HS6ST2: variants seen among roughly 807,000 people sequenced by gnomAD.
HS6ST2 encodes the protein heparan sulfate 6-O-sulfotransferase 2, also known as heparan-sulfate 6-O-sulfotransferase 2.
A neutral mutation model predicts 33.0 loss-of-function variants in HS6ST2; 17 were observed. That is an observed-to-expected ratio of 0.52 (90% CI 0.35 to 0.77). The LOEUF is 0.77. Among genes scored for constraint, HS6ST2 ranks in the 30% least tolerant of loss-of-function variants. The pLI, the probability that HS6ST2 is intolerant of heterozygous loss-of-function variation, is 0.01. For missense variants in HS6ST2, 519 were observed against 551.7 expected (o/e 0.94, Z 0.59); for synonymous variants, 248 against 237.1 (o/e 1.05, Z -0.42).
intron 2 of HS6ST2, among the ~76,000 whole-genome samples, chrX:132,820,494 G>A (rs1035661872): frequency 2.7e-5 from 3 of 111,423 alleles, no homozygotes; most frequent in African/African-American, 9.8e-5. Context: ...ATGGAAAAGA[G>A]ATTTTGCTTG....
At chrX:132,899,538 G>A (rs960403209) in intron 2 of HS6ST2, among the ~76,000 whole-genome samples, 5 of 110,259 alleles carry the variant, frequency 4.5e-5, no homozygotes, top group East Asian at 2.9e-4. Flanking sequence ...TAGACACTGC[G>A]GAAGAAAAGA....
chrX:132,808,947 G>A (rs142853691), intron 2 of HS6ST2, among the ~76,000 whole-genome samples: 1,579 of 111,996 alleles, frequency 0.014, 20 homozygotes, highest in African/African-American at 0.048. Context: ...TGCATCAAAC[G>A]CAAGAAGTAG....
chrX:132,919,444 G>C (rs1360196353), intron 2 of HS6ST2, among the ~76,000 whole-genome samples: 2 of 111,632 alleles, frequency 1.8e-5, no homozygotes, highest in African/African-American at 6.5e-5. Flanking sequence ...AAGACTCTCT[G>C]GAGTTTTTCC....
At chrX:132,672,200 C>T (rs2063887690) in intron 3 of HS6ST2, among the ~76,000 whole-genome samples, 2 of 110,056 alleles carry the variant, frequency 1.8e-5, no homozygotes, top group Admixed American at 2.0e-4. Context: ...TAAGATCCTG[C>T]CAAGAACTCT....
chrX:132,831,360 A>G (rs2065588460), intron 2 of HS6ST2, among the ~76,000 whole-genome samples: 1 of 111,470 alleles, frequency 9.0e-6, no homozygotes, highest in Non-Finnish European at 1.9e-5. Context: ...AATCTGTAAA[A>G]TAAGGGGTTC....
chrX:132,867,195 G>T (rs975885972), intron 2 of HS6ST2, among the ~76,000 whole-genome samples: 1 of 106,685 alleles, frequency 9.4e-6, no homozygotes, highest in African/African-American at 3.5e-5. Context: ...ATGAAGGGTT[G>T]TTGAATTTTG....
intron 2 of HS6ST2, among the ~76,000 whole-genome samples, chrX:132,881,778 A>T (rs1239594236): frequency 9.0e-6 from 1 of 111,639 alleles, no homozygotes; most frequent in Non-Finnish European, 1.9e-5. Flanking sequence ...TATGTCTTTA[A>T]TCCATCTTGA....
chrX:132,765,600 G>T (rs1274064994), intron 2 of HS6ST2, among the ~76,000 whole-genome samples: 2 of 110,774 alleles, frequency 1.8e-5, no homozygotes, highest in African/African-American at 6.6e-5. Context: ...GGCACCACGG[G>T]CATGCACCAC....
intron 4 of HS6ST2, among the ~76,000 whole-genome samples, chrX:132,637,809 TTATTTTATATATATA>T (rs1569475886): frequency 4.8e-4 from 30 of 62,693 alleles, no homozygotes; most frequent in African/African-American, 2.1e-3. Context: ...ATATTATATA[TTATTTTATATATATA>T]ATATTATATA....
chrX:132,881,029 T>A (rs1270526904), intron 2 of HS6ST2, among the ~76,000 whole-genome samples: 1 of 110,513 alleles, frequency 9.0e-6, no homozygotes, highest in Non-Finnish European at 1.9e-5. Context: ...TCTATCATTG[T>A]TGGACATTTG....
intron 2 of HS6ST2, among the ~76,000 whole-genome samples, chrX:132,738,056 G>A (rs181636436): frequency 1.1e-4 from 12 of 112,605 alleles, no homozygotes; most frequent in East Asian, 2.8e-4. Flanking sequence ...GACCTGAACC[G>A]GCAGCCCTCA....
chrX:132,835,781 T>C (rs1331200301), intron 2 of HS6ST2, among the ~76,000 whole-genome samples: 1 of 111,327 alleles, frequency 9.0e-6, no homozygotes, highest in East Asian at 2.9e-4. Flanking sequence ...CCGGGCAAGG[T>C]GGCAGGCGCC....
intron 2 of HS6ST2, among the ~76,000 whole-genome samples, chrX:132,821,252 G>T (rs1437598740): frequency 1.2e-5 from 1 of 86,270 alleles, no homozygotes; most frequent in Non-Finnish European, 2.1e-5. Flanking sequence ...TCTCTCTGTC[G>T]CCCAGGCTGG....
At chrX:132,921,820 T>C (rs1413503111) in intron 2 of HS6ST2, among the ~76,000 whole-genome samples, 1 of 112,211 alleles carries the variant, frequency 8.9e-6, no homozygotes, top group Non-Finnish European at 1.9e-5. Context: ...GGATCCCGCC[T>C]GGGCAGGTCA....
intron 2 of HS6ST2, among the ~76,000 whole-genome samples, chrX:132,709,324 C>T (rs2064210182): frequency 1.8e-5 from 2 of 112,041 alleles, no homozygotes; most frequent in Admixed American, 9.5e-5. Context: ...CTTTTATGCC[C>T]GAAGTGGGCT....
intron 2 of HS6ST2, among the ~76,000 whole-genome samples, chrX:132,919,497 T>C (rs1475583111): frequency 1.8e-5 from 2 of 112,195 alleles, no homozygotes; most frequent in African/African-American, 6.5e-5. Flanking sequence ...TCTTGAGATT[T>C]ATAGGAGCTG....
chrX:132,702,409 G>C (rs765694152), intron 3 of HS6ST2, among the ~76,000 whole-genome samples: 7 of 112,326 alleles, frequency 6.2e-5, no homozygotes, highest in Non-Finnish European at 1.3e-4. Context: ...TAACAGGGAA[G>C]AGCGTGAACA....
At chrX:132,697,589 T>C (rs2064112645) in intron 3 of HS6ST2, among the ~76,000 whole-genome samples, 1 of 111,914 alleles carries the variant, frequency 8.9e-6, no homozygotes, top group Admixed American at 9.5e-5. Context: ...AAGATATTTA[T>C]ATGAGGTGAA....
chrX:132,696,264 T>C (rs2064104279), intron 3 of HS6ST2, among the ~76,000 whole-genome samples: 1 of 111,825 alleles, frequency 8.9e-6, no homozygotes, highest in Non-Finnish European at 1.9e-5. Flanking sequence ...AGTCTGTCTG[T>C]CTCCATGCCT....
Sources: gnomAD v4.1 joint callset for allele counts (sites outside exome capture counted in the v4.1 genomes callset) on GRCh38, gnomAD v4.1.1 for gene constraint, MANE v1.5 for transcripts, NCBI Gene and HGNC (gene_info 2026-07-23, HGNC 2026-07-21) for gene names.